The following CYP20A1 variants were observed in gnomAD, a reference collection of about 807,000 sequenced individuals.
The protein encoded by CYP20A1 is cytochrome P450 family 20 subfamily A member 1.
A neutral mutation model predicts 61.4 loss-of-function variants in CYP20A1; 61 were observed. That is an observed-to-expected ratio of 0.99 (90% CI 0.81 to 1.23). CYP20A1 has a LOEUF of 1.23. Among genes scored for constraint, CYP20A1 ranks in the 50% most tolerant of loss-of-function variants. The pLI, the probability that CYP20A1 is intolerant of heterozygous loss-of-function variation, is 0.00. For synonymous variants in CYP20A1, 193 were observed against 188.2 expected (o/e 1.03, Z -0.21); for missense variants, 530 against 542.4 (o/e 0.98, Z 0.23).
At chr2:203,254,413 C>G (rs943425765) in intron 4 of CYP20A1, among the ~76,000 whole-genome samples, 2 of 151,994 alleles carry the variant, frequency 1.3e-5, no homozygotes, top group African/African-American at 4.8e-5. Flanking sequence ...CGTGTGGTAG[C>G]ACATGCCTGT....
At chr2:203,286,809 A>G (rs1319127293) in intron 9 of CYP20A1, among the ~76,000 whole-genome samples, 1 of 152,234 alleles carries the variant, frequency 6.6e-6, no homozygotes, top group East Asian at 1.9e-4. Flanking sequence ...TTTATTGCAT[A>G]TAACTATACC....
Position 203,302,969 on chromosome 2 carries a change from G to A in CYP20A1, c.*6061G>A, listed in dbSNP as rs991959082. On this transcript the variant is annotated 3_prime_UTR_variant, in exon 13 of 13. Coordinates refer to ENST00000356079, the MANE Select transcript of CYP20A1 (RefSeq NM_177538.3). ...GCCTCCCAGAGTGCTGGGATTACAA[G>A]CATGAGCCACCGCGCTCGGTCCCTT... 1.1e-4 allele frequency among the ~76,000 whole-genome samples: 16 copies of A among 152,038 alleles called. No individual in the cohort carries two copies. Among genetic ancestry groups the A allele is most frequent in the African/African-American group, 3.4e-4 (14 of 41,500 alleles).
At chr2:203,280,829 C>T (rs1014180148) in intron 8 of CYP20A1, among the ~76,000 whole-genome samples, 1 of 152,168 alleles carries the variant, frequency 6.6e-6, no homozygotes, top group Non-Finnish European at 1.5e-5. Flanking sequence ...TTAAAGCCAC[C>T]TCTGAAAATT....
chr2:203,290,701 TG>T (rs1338108788), intron 10 of CYP20A1, among the ~76,000 whole-genome samples: 2 of 151,974 alleles, frequency 1.3e-5, no homozygotes, highest in African/African-American at 2.4e-5. Flanking sequence ...GGAGTGCAGT[TG>T]TGCAATCTTG....
rs761123192 is a variant in CYP20A1, at chr2:203,272,737, A to T, written c.668A>T (p.Gln223Leu). 6 of 1,599,234 alleles carry T rather than the reference A, an allele frequency of 3.8e-6. No homozygotes were observed. Among genetic ancestry groups the T allele is most frequent in the Non-Finnish European group, 4.3e-6 (5 of 1,174,644 alleles). ...GATAAAAACATGACTCGGAAAAAAC[A>T]ATATGAAGATGGTAAGTTTGGTCAC... ...SLDKNMTRKK[Q>L]YEDALMQLES... Residue 223 changes from glutamine to leucine, a missense_variant, in exon 6 of 13, where the codon CAA (glutamine) becomes CTA (leucine). Transcript: ENST00000356079.
At position 203,246,745 on chromosome 2, in the gene CYP20A1, C is replaced by G. The variant is rs2066471213; in HGVS notation, c.123-10C>G. On this transcript the variant is annotated splice_polypyrimidine_tract_variant and intron_variant, in intron 2 of 12. Coordinates refer to ENST00000356079, the MANE Select transcript of CYP20A1 (RefSeq NM_177538.3). ...ATTGATTATTTTGTCAAATGTTGCTCTTTTGCCAGAGATGGTAATCTTCCA... is the reference window on the plus strand; with the variant it reads ...ATTGATTATTTTGTCAAATGTTGCTGTTTTGCCAGAGATGGTAATCTTCCA... 1.9e-6 allele frequency: 3 copies of G among 1,605,732 alleles called. No individual in the cohort carries two copies. The highest frequency in any genetic ancestry group is 2.5e-6 in the Non-Finnish European group (3 of 1,177,628).
chr2:203,278,429 T>C, intron 6 of CYP20A1, 144 bp from the exon 7 acceptor site: 1 of 477,760 alleles, frequency 2.1e-6, no homozygotes, highest in Non-Finnish European at 3.7e-6. Flanking sequence ...AAATGATGAG[T>C]TTAAACATAA....
intron 6 of CYP20A1, among the ~76,000 whole-genome samples, chr2:203,274,206 G>A (rs2152086773): frequency 7.0e-6 from 1 of 143,068 alleles, no homozygotes; most frequent in East Asian, 2.0e-4. Context: ...TTTTTTTTGA[G>A]ACAGAGTCTC....
intron 1 of CYP20A1, among the ~76,000 whole-genome samples, chr2:203,241,415 G>A (rs1312625068): frequency 2.0e-5 from 3 of 152,200 alleles, no homozygotes; most frequent in Non-Finnish European, 4.4e-5. Context: ...TTAAAGCGAG[G>A]AGAACTGGTT....
chr2:203,257,851 A>G (rs1034724625), intron 4 of CYP20A1, among the ~76,000 whole-genome samples: 2 of 91,844 alleles, frequency 2.2e-5, no homozygotes, highest in African/African-American at 6.1e-5. Flanking sequence ...TACATGAGGT[A>G]TTTTGATACA....
intron 5 of CYP20A1, among the ~76,000 whole-genome samples, chr2:203,268,577 T>C (rs987578827): frequency 6.6e-6 from 1 of 152,042 alleles, no homozygotes; most frequent in Non-Finnish European, 1.5e-5. Context: ...CAGGACTTAT[T>C]CTTCCTCAAA....
intron 11 of CYP20A1, among the ~76,000 whole-genome samples, chr2:203,293,946 T>C (rs1426382390): frequency 6.6e-6 from 1 of 152,014 alleles, no homozygotes; most frequent in African/African-American, 2.4e-5. Flanking sequence ...AAAATGTTTC[T>C]TAGGCCCTTC....
chr2:203,282,035 C>CT (rs113768629), intron 8 of CYP20A1, among the ~76,000 whole-genome samples: 47,766 of 116,414 alleles, frequency 0.41, 12,195 homozygotes, highest in Middle Eastern at 0.58. Context: ...TGTATTCAAC[C>CT]TTTTTTTTTT....
At chr2:203,277,652 A>G (rs2067879392) in intron 6 of CYP20A1, among the ~76,000 whole-genome samples, 1 of 151,918 alleles carries the variant, frequency 6.6e-6, no homozygotes, top group African/African-American at 2.4e-5. Flanking sequence ...AGTAACTGAG[A>G]TTACAGGTGC....
Position 203,244,959 on chromosome 2 carries a change from C to G in CYP20A1, c.73-887C>G, listed in dbSNP as rs183760335. Among the ~76,000 whole-genome samples the G allele has an allele frequency of 2.4e-3, 365 of 151,532 alleles. 1 individual carries two copies. The highest frequency in any genetic ancestry group is 8.2e-3 in the African/African-American group (337 of 41,278). On this transcript the variant is annotated intron_variant, in intron 1 of 12. Transcript: ENST00000356079. ...GTGTTAGCCAGGATGGTCTCTATCTCCTGACCTCGTGATCCGCCTGCCTCG... is the reference window on the plus strand; with the variant it reads ...GTGTTAGCCAGGATGGTCTCTATCTGCTGACCTCGTGATCCGCCTGCCTCG...
intron 3 of CYP20A1, among the ~76,000 whole-genome samples, chr2:203,251,076 AAAAAAAAAAG>A: frequency 6.7e-6 from 1 of 148,710 alleles, no homozygotes; most frequent in African/African-American, 2.5e-5. Flanking sequence ...AAAAAAAAAA[AAAAAAAAAAG>A]AGATGATAAC....
chr2:203,272,691 G>C lies in CYP20A1; in HGVS notation c.622G>C (p.Gly208Arg), dbSNP rs780970488. ...HGTVWSEIGK[G>R]FLDGSLDKNM... ...TCAGGTTTGGTCTGAGATTGGAAAAGGCTTTCTAGATGGGTCACTTGATAA... is the reference window on the plus strand; with the variant it reads ...TCAGGTTTGGTCTGAGATTGGAAAACGCTTTCTAGATGGGTCACTTGATAA... The change falls in exon 6 of 13, where the codon GGC becomes CGC. Residue 208 changes from glycine to arginine, a missense_variant. Coordinates refer to ENST00000356079, the MANE Select transcript of CYP20A1 (RefSeq NM_177538.3). 4 of 1,606,504 alleles carry C rather than the reference G, an allele frequency of 2.5e-6. No individual in the cohort carries two copies. The highest frequency in any genetic ancestry group is 3.4e-6 in the Non-Finnish European group (4 of 1,177,562).
chr2:203,288,450 T>C (rs1173079935), intron 9 of CYP20A1, among the ~76,000 whole-genome samples: 1 of 152,106 alleles, frequency 6.6e-6, no homozygotes, highest in African/African-American at 2.4e-5. Context: ...GAACTTCCTT[T>C]ATAACATGTG....
Position 203,301,914 on chromosome 2 carries a change from CTTTTTTTTTT to C in CYP20A1, c.*5019_*5028del, listed in dbSNP as rs763764173. On this transcript the variant is annotated 3_prime_UTR_variant, in exon 13 of 13. Transcript: ENST00000356079. Reference sequence around the variant, plus strand: ...TTTGAAGTTAACCACTGTTAAGATTCTTTTTTTTTTTTTTTTTTTTTTGTTTTGAGACTGA... The same window carrying C: ...TTTGAAGTTAACCACTGTTAAGATTCTTTTTTTTTTTTGTTTTGAGACTGA... Among the ~76,000 whole-genome samples the C allele has an allele frequency of 1.3e-4, 13 of 103,570 alleles. No homozygotes were observed. The South Asian group carries it at 2.6e-3, about 21-fold the overall frequency. 67.9% of individuals were successfully genotyped at this position (103,570 alleles called of 152,430 possible).
Sources: gnomAD v4.1 joint callset for allele counts (sites outside exome capture counted in the v4.1 genomes callset) on GRCh38, gnomAD v4.1.1 for gene constraint, MANE v1.5 for transcripts, NCBI Gene and HGNC (gene_info 2026-07-23, HGNC 2026-07-21) for gene names.